Variants in LACTB2 observed in about 807,000 individuals in gnomAD.
LACTB2 encodes the protein lactamase beta 2.
In LACTB2, 32 loss-of-function variants were observed where a neutral mutation model predicts 34.8. The ratio of observed to expected loss-of-function variants is 0.92; its 90% CI spans 0.69 to 1.24. LACTB2 has a LOEUF of 1.24. Ranked by LOEUF, LACTB2 falls within the 50% of genes most tolerant of loss-of-function variation. The pLI, the probability that LACTB2 is intolerant of heterozygous loss-of-function variation, is 0.00. For synonymous variants in LACTB2, 120 were observed against 117.5 expected (o/e 1.02, Z -0.14); for missense variants, 320 against 345.0 (o/e 0.93, Z 0.57).
intron 3 of LACTB2, among the ~76,000 whole-genome samples, chr8:70,647,495 T>C (rs557687072): frequency 2.6e-5 from 4 of 152,156 alleles, no homozygotes; most frequent in Non-Finnish European, 5.9e-5. Context: ...TCAAGTGATC[T>C]GCCTGCCCTG....
At chr8:70,643,842 A>G (rs1369541677) in intron 4 of LACTB2, among the ~76,000 whole-genome samples, 2 of 152,120 alleles carry the variant, frequency 1.3e-5, no homozygotes, top group Admixed American at 1.3e-4. Flanking sequence ...GGCCAAATAC[A>G]TACAGAGACA....
intron 3 of LACTB2, among the ~76,000 whole-genome samples, chr8:70,656,357 G>GT (rs1818411427): frequency 6.6e-6 from 1 of 152,196 alleles, no homozygotes; most frequent in Admixed American, 6.5e-5. Context: ...GTTGATTTTT[G>GT]TATAAGGTGA....
chr8:70,665,866 A>G (rs547728721), intron 1 of LACTB2, among the ~76,000 whole-genome samples: 2 of 152,334 alleles, frequency 1.3e-5, no homozygotes, highest in South Asian at 4.1e-4. Flanking sequence ...GGAAAGGTTA[A>G]AATTGCAGTT....
chr8:70,659,461 G>C (rs2132078876), intron 2 of LACTB2, among the ~76,000 whole-genome samples: 1 of 152,236 alleles, frequency 6.6e-6, no homozygotes, highest in South Asian at 2.1e-4. Context: ...AAAGGAGACA[G>C]AAACACTGAA....
chr8:70,657,428 ATTT>A (rs777806428), intron 3 of LACTB2, among the ~76,000 whole-genome samples: 2 of 115,806 alleles, frequency 1.7e-5, no homozygotes, highest in Non-Finnish European at 1.8e-5. Flanking sequence ...CAGATCTTCT[ATTT>A]TTTTTTTTTT....
chr8:70,649,358 G>A (rs898105803), intron 3 of LACTB2, among the ~76,000 whole-genome samples: 1 of 152,150 alleles, frequency 6.6e-6, no homozygotes, highest in African/African-American at 2.4e-5. Flanking sequence ...TCTTTCAGAA[G>A]ATTAAATTGA....
chr8:70,657,359 T>C (rs1259984477), intron 3 of LACTB2, among the ~76,000 whole-genome samples: 1 of 152,118 alleles, frequency 6.6e-6, no homozygotes, highest in East Asian at 1.9e-4. Flanking sequence ...AAGCAATGTT[T>C]ATTGGATTTC....
intron 1 of LACTB2, chr8:70,663,412 A>T (rs1431170100): frequency 1.3e-5 from 2 of 152,226 alleles, no homozygotes; most frequent in Non-Finnish European, 2.9e-5. Flanking sequence ...ATTGGCTTCT[A>T]TCTGCACCCT....
chr8:70,639,078 A>G (rs1027045778), intron 5 of LACTB2, among the ~76,000 whole-genome samples: 2 of 151,726 alleles, frequency 1.3e-5, no homozygotes, highest in African/African-American at 4.8e-5. Flanking sequence ...ATTTTTAACA[A>G]TTTCACTTTG....
chr8:70,654,309 A>G (rs144724963), intron 3 of LACTB2, among the ~76,000 whole-genome samples: 8 of 152,286 alleles, frequency 5.3e-5, no homozygotes, highest in African/African-American at 1.9e-4. Context: ...ATATTTGTAT[A>G]TGGCTAAGTG....
chr8:70,660,888 C>T (rs1322438717), intron 2 of LACTB2: 1 of 456,194 alleles, frequency 2.2e-6, no homozygotes, highest in Non-Finnish European at 4.4e-6. Flanking sequence ...AGCCATCTGC[C>T]CACCTTAGCC....
chr8:70,652,723 T>C (rs775479681), intron 3 of LACTB2: 1 of 152,246 alleles, frequency 6.6e-6, no homozygotes, highest in Non-Finnish European at 1.5e-5. Context: ...TTGTTCAATT[T>C]GTGAAAATTC....
chr8:70,659,554 A>G (rs1028964667), intron 2 of LACTB2, among the ~76,000 whole-genome samples: 2 of 152,224 alleles, frequency 1.3e-5, no homozygotes, highest in Non-Finnish European at 2.9e-5. Flanking sequence ...GAAGGAAAAC[A>G]ATGATATGCT....
At chr8:70,668,040 C>T (rs1194510287) in intron 1 of LACTB2, among the ~76,000 whole-genome samples, 1 of 152,178 alleles carries the variant, frequency 6.6e-6, no homozygotes, top group Non-Finnish European at 1.5e-5. Context: ...CTGACCCTGC[C>T]TTATTTACTC....
intron 5 of LACTB2, among the ~76,000 whole-genome samples, chr8:70,639,136 G>A (rs1231715598): frequency 6.6e-6 from 1 of 151,976 alleles, no homozygotes; most frequent in Non-Finnish European, 1.5e-5. Flanking sequence ...GATAGAATAG[G>A]TTGTAAGCTC....
rs1331298213 is a variant in LACTB2, at chr8:70,657,813, T to TG, written c.355dup (p.Gln119ProfsTer13). 1 of 1,612,764 alleles carries TG rather than the reference T, an allele frequency of 6.2e-7. No homozygotes were observed. The highest frequency in any genetic ancestry group is 1.7e-5 in the Admixed American group (1 of 60,008). On this transcript the variant is annotated frameshift_variant, in exon 3 of 7. Coordinates refer to ENST00000276590, the MANE Select transcript of LACTB2 (RefSeq NM_016027.3). LOFTEE classifies it high-confidence loss of function. ...TCCATCTTTCAGATAAACATATTGT[T>TG]GCTCTCCATTTCCTATAATTTCTTC... is the stretch of plus-strand genomic sequence containing the variant.
chr8:70,650,380 A>G (rs574063036), intron 3 of LACTB2, among the ~76,000 whole-genome samples: 2 of 152,314 alleles, frequency 1.3e-5, no homozygotes, highest in African/African-American at 4.8e-5. Context: ...CAGTATTTTC[A>G]CAGGATAATT....
At chr8:70,651,172 G>T (rs1818338341) in intron 3 of LACTB2, among the ~76,000 whole-genome samples, 1 of 152,010 alleles carries the variant, frequency 6.6e-6, no homozygotes, top group Non-Finnish European at 1.5e-5. Context: ...TAGATATAAG[G>T]TATAAGACAT....
At chr8:70,668,879 G>A (rs1818580149) in intron 1 of LACTB2, 120 bp downstream of exon 1, 3 of 1,376,300 alleles carry the variant, frequency 2.2e-6, no homozygotes, top group African/African-American at 2.9e-5. Flanking sequence ...TGCTAGGCGC[G>A]GGGCTGCCCA....
Sources: allele counts gnomAD v4.1 joint callset (sites outside exome capture counted in the v4.1 genomes callset), GRCh38; gene constraint gnomAD v4.1.1; transcripts MANE v1.5; gene names NCBI Gene and HGNC (gene_info 2026-07-23, HGNC 2026-07-21).